SH3PXD2B: variants seen among roughly 807,000 people sequenced by gnomAD.
SH3PXD2B encodes SH3 and PX domain-containing protein 2B.
Under a neutral mutation model 73.1 loss-of-function variants are expected in SH3PXD2B, and 37 were observed. That is an observed-to-expected ratio of 0.51 (90% confidence interval 0.39 to 0.67). SH3PXD2B has a LOEUF of 0.67. SH3PXD2B is among the 30% of genes least tolerant of loss of function. The pLI, the probability that SH3PXD2B is intolerant of heterozygous loss-of-function variation, is 0.00. For synonymous variants in SH3PXD2B, 457 were observed against 480.5 expected (o/e 0.95, Z 0.64); for missense variants, 1,053 against 1,197.8 (o/e 0.88, Z 1.78).
intron 1 of SH3PXD2B, among the ~76,000 whole-genome samples, chr5:172,442,916 G>A (rs1335846241): frequency 6.6e-6 from 1 of 152,094 alleles, no homozygotes; most frequent in African/African-American, 2.4e-5. Context: ...ATGCCATCTG[G>A]CTCCCAAGTT....
Position 172,333,499 on chromosome 5 carries a change from T to C in SH3PXD2B, c.*4870A>G. On this transcript the variant is annotated 3_prime_UTR_variant, in exon 13 of 13. Coordinates refer to ENST00000311601, the MANE Select transcript of SH3PXD2B (RefSeq NM_001017995.3). ...AAATAAAATCCATAGACACTGCATCTTCATGATGAAGCTTGAAACCAGTCA... is the reference window on the plus strand; with the variant it reads ...AAATAAAATCCATAGACACTGCATCCTCATGATGAAGCTTGAAACCAGTCA... 1 of 1,171,058 alleles carries C rather than the reference T, an allele frequency of 8.5e-7. No homozygotes were observed. Among genetic ancestry groups the C allele is most frequent in the Non-Finnish European group, 1.1e-6 (1 of 937,850 alleles). The allele number at this position is 1,171,058 out of a possible 1,614,324, so 72.5% of individuals were successfully genotyped here.
chr5:172,384,793 G>A lies in SH3PXD2B; in HGVS notation c.310-2666C>T, dbSNP rs377081090. ...TGGGTTGCCAACCCTACATTACTTT[G>A]AATCAGGCTCTAACTTTAAGTCCCC... On this transcript the variant is annotated intron_variant, in intron 4 of 12. Transcript: ENST00000311601. Among the ~76,000 whole-genome samples the A allele has an allele frequency of 1.9e-3, 292 of 152,246 alleles. 2 individuals are homozygous for A. Among genetic ancestry groups the A allele is most frequent in the African/African-American group, 6.8e-3 (283 of 41,544 alleles).
intron 2 of SH3PXD2B, among the ~76,000 whole-genome samples, chr5:172,410,979 C>T (rs1758678565): frequency 6.6e-6 from 1 of 152,188 alleles, no homozygotes; most frequent in Non-Finnish European, 1.5e-5. Flanking sequence ...TAAGACCACT[C>T]TTTGAGGCAG....
chr5:172,450,326 C>T (rs971671011), intron 1 of SH3PXD2B, among the ~76,000 whole-genome samples: 1 of 146,590 alleles, frequency 6.8e-6, no homozygotes, highest in African/African-American at 2.5e-5. Context: ...GGGGCAGCAT[C>T]GGGGAGGGCG....
chr5:172,359,669 A>G (rs1541917), intron 7 of SH3PXD2B, among the ~76,000 whole-genome samples: 111,099 of 152,054 alleles, frequency 0.73, 40,894 homozygotes, highest in South Asian at 0.86. Flanking sequence ...CCAATGAGAA[A>G]GGCCTGCATG....
At chr5:172,340,354 C>T (rs114189311) in intron 12 of SH3PXD2B, among the ~76,000 whole-genome samples, 1,753 of 152,272 alleles carry the variant, frequency 0.012, 31 homozygotes, top group African/African-American at 0.035. Flanking sequence ...GTGCATTTAT[C>T]TATTGACTCT....
chr5:172,335,053 A>G lies in SH3PXD2B; in HGVS notation c.*3316T>C. On this transcript the variant is annotated 3_prime_UTR_variant, in exon 13 of 13. Transcript: ENST00000311601. The stretch of plus-strand genomic sequence containing the variant: ...CAGCTCTCCCGCAGTCTCAGCTGGG[A>G]CGACATACACCCACCAATGGCAAAG... 1 of 985,486 alleles carries G rather than the reference A, an allele frequency of 1.0e-6. No individual in the cohort carries two copies. The highest frequency in any genetic ancestry group is 1.2e-6 in the Non-Finnish European group (1 of 829,980). The allele number at this position is 985,486 out of a possible 1,614,324, so 61.0% of individuals were successfully genotyped here.
At chr5:172,446,275 A>G (rs749436012) in intron 1 of SH3PXD2B, among the ~76,000 whole-genome samples, 1 of 152,200 alleles carries the variant, frequency 6.6e-6, no homozygotes, top group African/African-American at 2.4e-5. Flanking sequence ...GAACCAAATT[A>G]GAACCCAGGC....
At chr5:172,453,823 C>T (rs1414723777) in intron 1 of SH3PXD2B, among the ~76,000 whole-genome samples, 1 of 152,170 alleles carries the variant, frequency 6.6e-6, no homozygotes, top group Non-Finnish European at 1.5e-5. Flanking sequence ...TCGGCGAACC[C>T]TAGAGGGGCT....
intron 12 of SH3PXD2B, among the ~76,000 whole-genome samples, chr5:172,343,161 TC>T (rs1276639058): frequency 6.6e-6 from 1 of 152,078 alleles, no homozygotes; most frequent in African/African-American, 2.4e-5. Context: ...ACTTAATGAG[TC>T]CCACTGGAAT....
At position 172,382,846 on chromosome 5, in the gene SH3PXD2B, A is replaced by C. The variant is rs115318575; in HGVS notation, c.310-719T>G. 6.0e-3 allele frequency among the ~76,000 whole-genome samples: 914 copies of C among 151,714 alleles called. 10 individuals carry two copies. Among genetic ancestry groups the C allele is most frequent in the African/African-American group, 0.021 (866 of 41,342 alleles). On this transcript the variant is annotated intron_variant, in intron 4 of 12. Coordinates refer to ENST00000311601, the MANE Select transcript of SH3PXD2B (RefSeq NM_001017995.3). ...TGGGTTCAAGCGATTTTTGTGCCCT[A>C]GTCTCCTGAGTAGCTGGGATTATAG...
At chr5:172,439,273 AAACAAAACAAAAAAAAAACC>A (rs1759480278) in intron 1 of SH3PXD2B, among the ~76,000 whole-genome samples, 1 of 53,460 alleles carries the variant, frequency 1.9e-5, no homozygotes, top group African/African-American at 7.7e-5. Flanking sequence ...ACAAAAACAA[AAACAAAACAAAAAAAAAACC>A]CCAAAAAAAA....
chr5:172,434,964 T>C (rs951075680), intron 1 of SH3PXD2B, among the ~76,000 whole-genome samples: 1 of 152,056 alleles, frequency 6.6e-6, no homozygotes, highest in Non-Finnish European at 1.5e-5. Flanking sequence ...TTTGTATTTT[T>C]GGTAGAGATG....
At chr5:172,406,557 C>T (rs895577262) in intron 2 of SH3PXD2B, among the ~76,000 whole-genome samples, 4 of 152,236 alleles carry the variant, frequency 2.6e-5, no homozygotes, top group African/African-American at 7.2e-5. Flanking sequence ...TATCCACAGC[C>T]GCCAGATTTG....
chr5:172,406,953 A>G (rs1758575025), intron 2 of SH3PXD2B, among the ~76,000 whole-genome samples: 1 of 152,128 alleles, frequency 6.6e-6, no homozygotes, highest in Admixed American at 6.5e-5. Context: ...CTGTGGGGGT[A>G]GAGGTACAAG....
intron 6 of SH3PXD2B, among the ~76,000 whole-genome samples, chr5:172,372,083 G>T (rs1757717524): frequency 6.6e-6 from 1 of 152,202 alleles, no homozygotes; most frequent in African/African-American, 2.4e-5. Context: ...TGACCACAGG[G>T]CCCGTACCCA....
chr5:172,381,816 T>C (rs762084836), intron 5 of SH3PXD2B, among the ~76,000 whole-genome samples: 2 of 152,158 alleles, frequency 1.3e-5, no homozygotes, highest in East Asian at 1.9e-4. Flanking sequence ...GAGAGTATGA[T>C]GGGATGACAG....
At position 172,334,855 on chromosome 5, in the gene SH3PXD2B, G is replaced by A; in HGVS notation, c.*3514C>T. 1.0e-6 allele frequency: 1 copy of A among 985,386 alleles called. No homozygotes were observed. Among genetic ancestry groups the A allele is most frequent in the Non-Finnish European group, 1.2e-6 (1 of 829,932 alleles). 61.0% of individuals were successfully genotyped at this position (985,386 alleles called of 1,614,324 possible). On this transcript the variant is annotated 3_prime_UTR_variant, in exon 13 of 13. Coordinates refer to ENST00000311601, the MANE Select transcript of SH3PXD2B (RefSeq NM_001017995.3). Reference sequence around the variant, plus strand: ...GCATATGTTCCCCCATCTTCCACCTGGTAATGAAATCCTCAGTGGGCGCAA... The same window carrying A: ...GCATATGTTCCCCCATCTTCCACCTAGTAATGAAATCCTCAGTGGGCGCAA...
intron 2 of SH3PXD2B, among the ~76,000 whole-genome samples, chr5:172,413,104 C>T (rs1758739107): frequency 6.6e-6 from 1 of 152,196 alleles, no homozygotes; most frequent in Admixed American, 6.5e-5. Flanking sequence ...GGTTTACCCC[C>T]TCAATATCAC....
Sources: gnomAD v4.1 joint callset for allele counts (sites outside exome capture counted in the v4.1 genomes callset) on GRCh38, gnomAD v4.1.1 for gene constraint, MANE v1.5 for transcripts, NCBI Gene and HGNC (gene_info 2026-07-23, HGNC 2026-07-21) for gene names.